Variants in TENM3 observed in about 807,000 individuals in gnomAD.
The protein encoded by TENM3 is teneurin transmembrane protein 3, also known as teneurin-3.
TENM3 carries 63 observed loss-of-function variants against 255.1 expected under a neutral mutation model. The observed-to-expected ratio is 0.25, with a 90% confidence interval of 0.20 to 0.30. TENM3 has a LOEUF of 0.30. TENM3 is among the 10% of genes least tolerant of loss of function. The pLI is 1.00. For missense variants in TENM3, 2,929 were observed against 3,461.1 expected, an observed-to-expected ratio of 0.85 and a Z score of 3.86; for synonymous variants, 1,306 against 1,322.3, an observed-to-expected ratio of 0.99 and a Z score of 0.27.
intron 5 of TENM3, among the ~76,000 whole-genome samples, chr4:182,637,725 A>G (rs1751960371): frequency 6.6e-6 from 1 of 152,178 alleles, no homozygotes; most frequent in Non-Finnish European, 1.5e-5. Flanking sequence ...CCTCTTAGAG[A>G]TTATATTCTT....
intron 3 of TENM3, among the ~76,000 whole-genome samples, chr4:182,395,981 T>G (rs912875492): frequency 6.6e-6 from 1 of 152,268 alleles, no homozygotes; most frequent in Non-Finnish European, 1.5e-5. Context: ...TGATTCCATT[T>G]TATACTATAA....
chr4:182,342,966 A>C (rs1764580641), intron 2 of TENM3, among the ~76,000 whole-genome samples: 2 of 152,172 alleles, frequency 1.3e-5, no homozygotes, highest in South Asian at 4.1e-4. Flanking sequence ...CCATTTTCCC[A>C]ATCTCCTTCT....
intron 1 of TENM3, among the ~76,000 whole-genome samples, chr4:182,226,816 T>C (rs1023117198): frequency 2.0e-5 from 3 of 152,218 alleles, no homozygotes; most frequent in Admixed American, 6.5e-5. Context: ...AGTGACTTGC[T>C]CCAAGTCAGT....
At chr4:182,254,287 G>A (rs750860055) in intron 1 of TENM3, among the ~76,000 whole-genome samples, 29 of 151,068 alleles carry the variant, frequency 1.9e-4, no homozygotes, top group African/African-American at 4.6e-4. Flanking sequence ...ATCTTCAGCC[G>A]TTCCACCCAC....
chr4:181,491,942 A>G, the TENM3 span, among the ~76,000 whole-genome samples: 3 of 152,210 alleles, frequency 2.0e-5, no homozygotes, highest in Non-Finnish European at 4.4e-5. Context: ...TGATAATGTT[A>G]CTTTCATCAA....
At chr4:182,023,641 G>A in the TENM3 span, among the ~76,000 whole-genome samples, 24 of 152,152 alleles carry the variant, frequency 1.6e-4, no homozygotes, top group African/African-American at 5.8e-4. Flanking sequence ...TATCTCAGCA[G>A]GTGCTACCTG....
At chr4:181,534,599 T>A in the TENM3 span, among the ~76,000 whole-genome samples, 1 of 152,154 alleles carries the variant, frequency 6.6e-6, no homozygotes, top group Non-Finnish European at 1.5e-5. Context: ...AGGTGTTGAT[T>A]TCTCAGGAAA....
At chr4:182,376,382 G>T (rs1767178935) in intron 3 of TENM3, among the ~76,000 whole-genome samples, 1 of 152,122 alleles carries the variant, frequency 6.6e-6, no homozygotes, top group Non-Finnish European at 1.5e-5. Context: ...GCTCCATCTT[G>T]TGACTAATTG....
At chr4:182,672,136 G>T (rs1211383408) in intron 6 of TENM3, among the ~76,000 whole-genome samples, 1 of 152,176 alleles carries the variant, frequency 6.6e-6, no homozygotes, top group Non-Finnish European at 1.5e-5. Context: ...CAGAATAACT[G>T]AGAAAGAACC....
At chr4:182,705,686 A>G (rs1758224452) in intron 12 of TENM3, among the ~76,000 whole-genome samples, 3 of 152,186 alleles carry the variant, frequency 2.0e-5, no homozygotes, top group South Asian at 2.1e-4. Context: ...ACCTTGTTCC[A>G]TGTCTCAGCC....
chr4:182,309,954 T>C (rs536426994), intron 1 of TENM3, among the ~76,000 whole-genome samples: 1 of 152,328 alleles, frequency 6.6e-6, no homozygotes, highest in South Asian at 2.1e-4. Flanking sequence ...TTAATCTTCA[T>C]AATATCTCCG....
intron 2 of TENM3, among the ~76,000 whole-genome samples, chr4:182,332,555 G>A (rs369427022): frequency 8.6e-5 from 13 of 152,046 alleles, no homozygotes; most frequent in African/African-American, 2.2e-4. Context: ...CTAGCTGGGC[G>A]TGGTGGTGGG....
At chr4:182,155,139 G>T (rs933556171) in intron 1 of TENM3, among the ~76,000 whole-genome samples, 3 of 152,078 alleles carry the variant, frequency 2.0e-5, no homozygotes, top group African/African-American at 7.2e-5. Flanking sequence ...GGCTAATTGA[G>T]TCATTTTACT....
chr4:181,712,025 G>C, the TENM3 span, among the ~76,000 whole-genome samples: 1 of 151,958 alleles, frequency 6.6e-6, no homozygotes, highest in Admixed American at 6.6e-5. Context: ...TACAATTATC[G>C]GTCAAATTCC....
intron 1 of TENM3, among the ~76,000 whole-genome samples, chr4:182,186,461 A>T (rs1457573028): frequency 6.6e-6 from 1 of 151,892 alleles, no homozygotes; most frequent in Non-Finnish European, 1.5e-5. Flanking sequence ...AGAGAAGGAA[A>T]ATGTGTTTAT....
chr4:182,380,433 C>T (rs954970668), intron 3 of TENM3, among the ~76,000 whole-genome samples: 34 of 152,192 alleles, frequency 2.2e-4, no homozygotes, highest in African/African-American at 4.3e-4. Flanking sequence ...ATGTCCACTT[C>T]GCCTCCTGTT....
the TENM3 span, among the ~76,000 whole-genome samples, chr4:181,574,308 G>C: frequency 1.3e-5 from 2 of 151,834 alleles, no homozygotes; most frequent in East Asian, 3.9e-4. Context: ...GAGGCGGGTG[G>C]ATCATGAGGT....
At chr4:182,560,037 A>G (rs1017721191) in intron 3 of TENM3, among the ~76,000 whole-genome samples, 7 of 151,802 alleles carry the variant, frequency 4.6e-5, no homozygotes, top group South Asian at 4.1e-4. Context: ...CCACAAATAT[A>G]TAGACCTATT....
chr4:181,672,750 A>T, the TENM3 span, among the ~76,000 whole-genome samples: 1 of 152,200 alleles, frequency 6.6e-6, no homozygotes, highest in African/African-American at 2.4e-5. Flanking sequence ...ATGTGCCAGG[A>T]ACTGTGCTAA....
Sources: gnomAD v4.1 joint callset for allele counts (sites outside exome capture counted in the v4.1 genomes callset) on GRCh38, gnomAD v4.1.1 for gene constraint, MANE v1.5 for transcripts, NCBI Gene and HGNC (gene_info 2026-07-23, HGNC 2026-07-21) for gene names.